The following SHROOM3 variants were observed in gnomAD, a reference collection of about 807,000 sequenced individuals.
SHROOM3 encodes shroom family member 3.
Under a neutral mutation model 138.6 loss-of-function variants are expected in SHROOM3, and 47 were observed. The ratio of observed to expected loss-of-function variants is 0.34; its 90% CI spans 0.27 to 0.43. SHROOM3 has a LOEUF of 0.43. Among genes scored for constraint, SHROOM3 ranks in the 20% least tolerant of loss-of-function variants. The pLI is 1.00. For synonymous variants in SHROOM3, 1,062 were observed against 1,063.3 expected (o/e 1.00, Z 0.02); for missense variants, 2,491 against 2,596.5 (o/e 0.96, Z 0.88).
chr4:76,439,773 A>G (rs1298513594), intron 1 of SHROOM3, among the ~76,000 whole-genome samples: 2 of 152,240 alleles, frequency 1.3e-5, no homozygotes, highest in African/African-American at 2.4e-5. Flanking sequence ...TAAATGAAGT[A>G]TCATTTTTCT....
At chr4:76,550,165 A>G (rs567876883) in intron 1 of SHROOM3, among the ~76,000 whole-genome samples, 40 of 152,342 alleles carry the variant, frequency 2.6e-4, no homozygotes, top group African/African-American at 9.4e-4. Flanking sequence ...CAATGATATG[A>G]AATATATTAA....
chr4:76,552,005 G>A (rs993349343), intron 1 of SHROOM3, among the ~76,000 whole-genome samples: 5 of 143,000 alleles, frequency 3.5e-5, no homozygotes, highest in Non-Finnish European at 7.6e-5. Flanking sequence ...GGGACTACAG[G>A]CGCCCGCCAT....
chr4:76,772,103 CTTTTT>C (rs35590411), intron 10 of SHROOM3, among the ~76,000 whole-genome samples: 3 of 125,136 alleles, frequency 2.4e-5, no homozygotes, highest in Admixed American at 1.6e-4. Context: ...TTTTCTTTTT[CTTTTT>C]TTTTTTTTTT....
At chr4:76,682,808 C>G (rs1719234847) in intron 2 of SHROOM3, among the ~76,000 whole-genome samples, 1 of 152,114 alleles carries the variant, frequency 6.6e-6, no homozygotes, top group African/African-American at 2.4e-5. Context: ...ATTATTCTAG[C>G]CATAGAAATT....
chr4:76,632,013 G>A (rs767329567), intron 2 of SHROOM3, among the ~76,000 whole-genome samples: 11 of 152,154 alleles, frequency 7.2e-5, no homozygotes, highest in Non-Finnish European at 1.5e-4. Flanking sequence ...GAGACACTGG[G>A]TTTTATCTGA....
At chr4:76,669,319 A>C (rs1030219375) in intron 2 of SHROOM3, among the ~76,000 whole-genome samples, 4 of 152,108 alleles carry the variant, frequency 2.6e-5, no homozygotes, top group Non-Finnish European at 5.9e-5. Context: ...CTCTAAAACA[A>C]ACAAAAAAAG....
intron 1 of SHROOM3, among the ~76,000 whole-genome samples, chr4:76,499,954 T>C (rs954074113): frequency 2.0e-5 from 3 of 152,234 alleles, no homozygotes; most frequent in African/African-American, 7.2e-5. Flanking sequence ...ATGTATTCAC[T>C]CTTTTGCTCG....
chr4:76,549,745 C>T (rs1239452502), intron 1 of SHROOM3, among the ~76,000 whole-genome samples: 1 of 152,102 alleles, frequency 6.6e-6, no homozygotes, highest in Non-Finnish European at 1.5e-5. Flanking sequence ...CTGATGCTAC[C>T]AAATAGAAAG....
intron 1 of SHROOM3, among the ~76,000 whole-genome samples, chr4:76,535,299 A>G (rs34943477): frequency 0.078 from 11,934 of 152,258 alleles, 635 homozygotes; most frequent in East Asian, 0.17. Flanking sequence ...GTTGTTAGCC[A>G]TTGGGAGGGC....
chr4:76,501,316 G>C (rs56402255), intron 1 of SHROOM3, among the ~76,000 whole-genome samples: 1 of 151,838 alleles, frequency 6.6e-6, no homozygotes, highest in Non-Finnish European at 1.5e-5. Context: ...TTGTTTCTTT[G>C]TGTTACTATT....
At chr4:76,685,749 C>T (rs1011178969) in intron 2 of SHROOM3, among the ~76,000 whole-genome samples, 6 of 152,228 alleles carry the variant, frequency 3.9e-5, no homozygotes, top group East Asian at 1.9e-4. Flanking sequence ...GAGGCTGACA[C>T]GGGCAGATCA....
intron 1 of SHROOM3, among the ~76,000 whole-genome samples, chr4:76,554,951 C>A (rs557225635): frequency 6.6e-6 from 1 of 151,520 alleles, no homozygotes; most frequent in Non-Finnish European, 1.5e-5. Context: ...ACTACACATG[C>A]GAGGGATCTA....
In SHROOM3 at chr4:76,740,685, G is replaced by A. The variant is rs768510196; in HGVS notation, c.2512G>A (p.Ala838Thr). The A allele has an allele frequency of 3.7e-5, 60 of 1,613,948 alleles. No individual in the cohort carries two copies. The highest frequency in any genetic ancestry group is 4.1e-5 in the Non-Finnish European group (48 of 1,180,040). ...AGCACACATTCGTTTCTCTGAGTCA[G>A]CTGAACCCCTAGGCAACGGGGAGCA... ...TKAHIRFSES[A>T]EPLGNGEQHF... is the part of the protein sequence containing the mutation. Residue 838 changes from alanine (A) to threonine (T), a missense_variant, in exon 5 of 11, where the codon GCT becomes ACT. By Grantham distance (58) the Ala-to-Thr change is moderately conservative (BLOSUM62 0). Transcript: ENST00000296043. The surrounding 1 kb of genome is among the most constrained non-coding windows in gnomAD (Gnocchi z 4.0).
At chr4:76,734,513 CTTTT>C (rs35737209) in intron 4 of SHROOM3, among the ~76,000 whole-genome samples, 1 of 137,680 alleles carries the variant, frequency 7.3e-6, no homozygotes. Context: ...TTTAAAAATA[CTTTT>C]TTTTTTTTTT....
chr4:76,705,384 ATAC>A (rs1236549889), intron 2 of SHROOM3, among the ~76,000 whole-genome samples: 1 of 152,072 alleles, frequency 6.6e-6, no homozygotes, highest in Non-Finnish European at 1.5e-5. Context: ...GTGATCCCAG[ATAC>A]TTGGGAGGCT....
intron 1 of SHROOM3, among the ~76,000 whole-genome samples, chr4:76,511,227 T>C (rs950088799): frequency 6.6e-6 from 1 of 152,086 alleles, no homozygotes; most frequent in African/African-American, 2.4e-5. Flanking sequence ...CAATTGTGAA[T>C]TTAGACTTTT....
chr4:76,436,343 CT>C lies in SHROOM3; in HGVS notation c.168+124del, dbSNP rs991772621. The C allele has an allele frequency of 1.2e-5, 12 of 1,042,292 alleles. No homozygotes were observed. The Admixed American group carries it at 1.5e-4, about 13-fold the overall frequency. 64.6% of individuals were successfully genotyped at this position (1,042,292 alleles called of 1,614,324 possible). A position where few individuals can be genotyped will look rare whatever the true frequency, so the allele number is the denominator to read the frequency against. On this transcript the variant is annotated intron_variant, in intron 1 of 10. Transcript: ENST00000296043. ...ACTTAATTTGCTGTTTCATGCCTTT[CT>C]GATTATCTAGAAATATTTTGGATAG...
chr4:76,471,074 T>C (rs1731360663), intron 1 of SHROOM3, among the ~76,000 whole-genome samples: 1 of 152,124 alleles, frequency 6.6e-6, no homozygotes, highest in Admixed American at 6.6e-5. Context: ...TCAACTCCAC[T>C]TTTGTTATAA....
chr4:76,755,232 A>G (rs1041419622), intron 7 of SHROOM3, 40 bp downstream of exon 7: 4 of 1,602,812 alleles, frequency 2.5e-6, no homozygotes, highest in South Asian at 2.2e-5. Flanking sequence ...CACTAACAGG[A>G]GAGTGTCATG....
Sources: allele counts gnomAD v4.1 joint callset (sites outside exome capture counted in the v4.1 genomes callset), GRCh38; gene constraint gnomAD v4.1.1; non-coding constraint Gnocchi (gnomAD v3.1); transcripts MANE v1.5; gene names NCBI Gene and HGNC (gene_info 2026-07-23, HGNC 2026-07-21).